Variants in LRRFIP2 observed in about 807,000 individuals in gnomAD.
LRRFIP2 encodes LRR binding FLII interacting protein 2.
LRRFIP2 carries 109 observed loss-of-function variants against 125.9 expected under a neutral mutation model. The observed-to-expected ratio is 0.87, with a 90% CI of 0.74 to 1.01. LRRFIP2 has a LOEUF of 1.01. Among genes scored for constraint, LRRFIP2 ranks in the 50% least tolerant of loss-of-function variants. The pLI, the probability that LRRFIP2 is intolerant of heterozygous loss-of-function variation, is 0.00. For missense variants in LRRFIP2, 850 were observed against 862.3 expected (o/e 0.99, Z 0.18); for synonymous variants, 291 against 293.1 (o/e 0.99, Z 0.07).
intron 2 of LRRFIP2, among the ~76,000 whole-genome samples, chr3:37,143,047 C>G (rs2095755726): frequency 6.6e-6 from 1 of 152,192 alleles, no homozygotes; most frequent in East Asian, 1.9e-4. Context: ...CTCTCGTTTC[C>G]ACTCTCGCCA....
intron 26 of LRRFIP2, among the ~76,000 whole-genome samples, 197 bp downstream of exon 26, chr3:37,054,889 A>ATAGCTATAGTTTCC (rs1279342716): frequency 6.7e-6 from 1 of 149,940 alleles, no homozygotes; most frequent in Admixed American, 6.7e-5. Flanking sequence ...ACAAAAACTG[A>ATAGCTATAGTTTCC]TAGCTATAGT....
intron 3 of LRRFIP2, among the ~76,000 whole-genome samples, chr3:37,127,990 T>C (rs1173033885): frequency 6.6e-6 from 1 of 152,172 alleles, no homozygotes; most frequent in Non-Finnish European, 1.5e-5. Flanking sequence ...GGTGCCATCA[T>C]AGCTCACTAC....
In LRRFIP2 at chr3:37,105,464, C is replaced by A. The variant is rs140639252; in HGVS notation, c.774G>T (p.Arg258Ser). ...TGCAAATCATGCTCACCACACTCTCCCTTCGTCCACGACTGGCACGATCAG... is the reference window on the plus strand; with the variant it reads ...TGCAAATCATGCTCACCACACTCTCACTTCGTCCACGACTGGCACGATCAG... The part of the protein sequence containing the change: ...VSSDRASRGR[R>S]ESVVSAADYF... Residue 258 changes from arginine to serine, a missense_variant, in exon 14 of 28, where the codon AGG becomes AGT. Transcript: ENST00000336686. 119 of 1,613,736 alleles carry A rather than the reference C, an allele frequency of 7.4e-5. No individual in the cohort carries two copies. The highest frequency in any genetic ancestry group is 8.6e-5 in the Non-Finnish European group (101 of 1,179,776).
At chr3:37,095,499 T>A (rs2093671433) in intron 16 of LRRFIP2, among the ~76,000 whole-genome samples, 1 of 152,234 alleles carries the variant, frequency 6.6e-6, no homozygotes, top group Non-Finnish European at 1.5e-5. Flanking sequence ...TACTTGCGAT[T>A]AGCCACATGC....
intron 2 of LRRFIP2, among the ~76,000 whole-genome samples, chr3:37,135,794 T>C (rs2095542995): frequency 6.6e-6 from 1 of 152,158 alleles, no homozygotes; most frequent in Non-Finnish European, 1.5e-5. Context: ...CAACTGAAAA[T>C]AACTAAAATT....
At chr3:37,097,969 A>T (rs1451398687) in intron 15 of LRRFIP2, among the ~76,000 whole-genome samples, 2 of 152,218 alleles carry the variant, frequency 1.3e-5, no homozygotes, top group South Asian at 4.1e-4. Context: ...TCTAGAGAAG[A>T]GATCTGAAAA....
intron 1 of LRRFIP2, among the ~76,000 whole-genome samples, chr3:37,157,286 C>T (rs2150163993): frequency 6.6e-6 from 1 of 152,014 alleles, no homozygotes; most frequent in African/African-American, 2.4e-5. Flanking sequence ...CTACAAAAAA[C>T]ACAAAAATTA....
intron 2 of LRRFIP2, among the ~76,000 whole-genome samples, chr3:37,143,333 G>A (rs994399494): frequency 1.3e-5 from 2 of 152,240 alleles, no homozygotes; most frequent in South Asian, 4.1e-4. Context: ...CAGTCATGAA[G>A]ATGGTCTTCG....
intron 2 of LRRFIP2, among the ~76,000 whole-genome samples, chr3:37,134,450 C>T (rs1460417002): frequency 2.6e-5 from 4 of 152,128 alleles, no homozygotes; most frequent in African/African-American, 9.7e-5. Context: ...GCACAAAAAA[C>T]TGCTCTTAAG....
intron 1 of LRRFIP2, among the ~76,000 whole-genome samples, chr3:37,170,150 A>C (rs1201248911): frequency 6.6e-6 from 1 of 152,208 alleles, no homozygotes; most frequent in African/African-American, 2.4e-5. Flanking sequence ...AGGAAAACTA[A>C]ATTTCCTCCA....
At chr3:37,083,587 G>T in intron 19 of LRRFIP2, 49 bp downstream of exon 19, 1 of 1,351,952 alleles carries the variant, frequency 7.4e-7, no homozygotes, top group South Asian at 1.5e-5. Flanking sequence ...CTTTGTAAGT[G>T]GCAGGCTTTT....
chr3:37,098,670 G>A, intron 15 of LRRFIP2, among the ~76,000 whole-genome samples: 1 of 152,052 alleles, frequency 6.6e-6, no homozygotes, highest in Non-Finnish European at 1.5e-5. Context: ...TGGGATTACA[G>A]GCATGAGCCA....
intron 4 of LRRFIP2, among the ~76,000 whole-genome samples, chr3:37,124,708 C>T (rs1263773418): frequency 2.0e-5 from 3 of 152,130 alleles, no homozygotes; most frequent in Admixed American, 2.0e-4. Context: ...AAGATAACAT[C>T]CTATACTGGC....
At chr3:37,102,583 C>T (rs2094122150) in intron 15 of LRRFIP2, among the ~76,000 whole-genome samples, 1 of 150,534 alleles carries the variant, frequency 6.6e-6, no homozygotes, top group Non-Finnish European at 1.5e-5. Context: ...ACTGCAACCT[C>T]CACCTCCTAG....
chr3:37,114,999 A>G (rs1233749355), intron 7 of LRRFIP2, 55 bp downstream of exon 7: 3 of 1,324,366 alleles, frequency 2.3e-6, no homozygotes, highest in Non-Finnish European at 2.2e-6. Context: ...ATTAGCATCA[A>G]CAGATGTTTA....
chr3:37,077,834 CTT>C (rs1405103380), intron 19 of LRRFIP2, among the ~76,000 whole-genome samples: 1 of 152,172 alleles, frequency 6.6e-6, no homozygotes, highest in Non-Finnish European at 1.5e-5. Context: ...AAAAGAAACT[CTT>C]GTCACACGCT....
intron 2 of LRRFIP2, among the ~76,000 whole-genome samples, chr3:37,132,965 T>C (rs1458105011): frequency 3.3e-5 from 5 of 152,240 alleles, no homozygotes; most frequent in Non-Finnish European, 5.9e-5. Flanking sequence ...GGCTCACGCC[T>C]GTAATCTCAG....
intron 19 of LRRFIP2, among the ~76,000 whole-genome samples, chr3:37,077,307 A>G (rs1052626374): frequency 2.0e-5 from 3 of 152,236 alleles, no homozygotes; most frequent in African/African-American, 7.2e-5. Context: ...CTGGTAGAAT[A>G]AAGTGTGGTA....
chr3:37,102,013 T>C (rs933270679), intron 15 of LRRFIP2, among the ~76,000 whole-genome samples: 9 of 152,262 alleles, frequency 5.9e-5, no homozygotes, highest in Non-Finnish European at 1.2e-4. Flanking sequence ...AGATTGTTCC[T>C]GGTTAGTACA....
Sources: allele counts gnomAD v4.1 joint callset (sites outside exome capture counted in the v4.1 genomes callset), GRCh38; gene constraint gnomAD v4.1.1; transcripts MANE v1.5; gene names NCBI Gene and HGNC (gene_info 2026-07-23, HGNC 2026-07-21).